Variants in LIPC observed in about 807,000 individuals in gnomAD.
The protein encoded by LIPC is lipase C, hepatic type, also known as hepatic triacylglycerol lipase.
A neutral mutation model predicts 50.7 loss-of-function variants in LIPC; 44 were observed. The ratio of observed to expected loss-of-function variants is 0.87; its 90% CI spans 0.68 to 1.11. The LOEUF (loss-of-function observed/expected upper bound fraction) is 1.11, where lower values mean the gene tolerates loss of function less well. LIPC is among the 50% of genes most tolerant of loss of function. The probability of loss-of-function intolerance (pLI) is 0.00; values close to 1 mark genes in which losing one functional copy is unlikely to be tolerated. For synonymous variants in LIPC, 271 were observed against 256.4 expected, an observed-to-expected ratio of 1.06 and a Z score of -0.54; for missense variants, 697 against 648.2, an observed-to-expected ratio of 1.08 and a Z score of -0.82.
chr15:58,492,685 G>C (rs903315105), intron 1 of LIPC, among the ~76,000 whole-genome samples: 19 of 152,084 alleles, frequency 1.2e-4, no homozygotes, highest in Non-Finnish European at 2.5e-4. Flanking sequence ...CAAATCTAGG[G>C]CTCTGTCCCA....
chr15:58,470,800 C>G (rs1566919272), intron 1 of LIPC, among the ~76,000 whole-genome samples: 1 of 152,038 alleles, frequency 6.6e-6, no homozygotes, highest in Non-Finnish European at 1.5e-5. Flanking sequence ...GGATTTCACT[C>G]TATTAGCAGC....
intron 1 of LIPC, among the ~76,000 whole-genome samples, chr15:58,529,482 A>G (rs969462499): frequency 6.6e-6 from 1 of 152,162 alleles, no homozygotes; most frequent in African/African-American, 2.4e-5. Context: ...GGTCACCCCA[A>G]TTGTTTCGGG....
At chr15:58,454,472 C>T (rs1325284511) in intron 1 of LIPC, 9 of 152,194 alleles carry the variant, frequency 5.9e-5, no homozygotes, top group African/African-American at 2.2e-4. Flanking sequence ...CAGAGCTGAC[C>T]TTGAGCTTGA....
chr15:58,514,578 C>T (rs891952710), intron 1 of LIPC, among the ~76,000 whole-genome samples: 3 of 152,310 alleles, frequency 2.0e-5, no homozygotes, highest in African/African-American at 4.8e-5. Flanking sequence ...AATCCCAACA[C>T]TTTGGGAGGC....
At chr15:58,544,676 C>T (rs543129459) in intron 4 of LIPC, among the ~76,000 whole-genome samples, 14 of 152,144 alleles carry the variant, frequency 9.2e-5, no homozygotes, top group South Asian at 2.1e-4. Flanking sequence ...GATTACCAGG[C>T]GTGAGCCACC....
rs184267309 is a variant in LIPC, at chr15:58,519,968, G to A, written c.89-18365G>A. Among the ~76,000 whole-genome samples the A allele has an allele frequency of 1.4e-4, 22 of 152,106 alleles. No homozygotes were observed. In the East Asian group the frequency reaches 1.5e-3, roughly 11 times the overall value. On this transcript the variant is annotated intron_variant, in intron 1 of 8. Coordinates refer to ENST00000299022, the MANE Select transcript of LIPC (RefSeq NM_000236.3). ...TTATTCTTCTCTTTTGAAACTGGCC[G>A]AGTCAGAAGGAAATAAACAAATGCA...
chr15:58,491,961 G>T (rs1891600874), intron 1 of LIPC, among the ~76,000 whole-genome samples: 1 of 152,182 alleles, frequency 6.6e-6, no homozygotes, highest in Admixed American at 6.5e-5. Context: ...TGGAGCAGGG[G>T]GTCCCAGCTC....
chr15:58,540,491 C>G (rs531145390), intron 2 of LIPC, among the ~76,000 whole-genome samples: 1 of 152,190 alleles, frequency 6.6e-6, no homozygotes, highest in South Asian at 2.1e-4. Context: ...CAGCTAGAAA[C>G]TAGGAGAGCC....
intron 1 of LIPC, among the ~76,000 whole-genome samples, chr15:58,491,319 G>A (rs1595892909): frequency 6.6e-6 from 1 of 152,276 alleles, no homozygotes; most frequent in East Asian, 1.9e-4. Flanking sequence ...ACAGCAGCAG[G>A]CTTTAATCCT....
rs1208849871 is a variant in LIPC at position 58,443,643 on chromosome 15, ACACC to A, written c.88+11524_88+11527del. Reference sequence around the variant, plus strand: ...TCGGTGACTTAGTAGTATCAAGACAACACCTGAGAAAGCTCCTTTCATGCAAATC... The same window carrying A: ...TCGGTGACTTAGTAGTATCAAGACAATGAGAAAGCTCCTTTCATGCAAATC... On this transcript the variant is annotated intron_variant, in intron 1 of 8. Transcript: ENST00000299022. Among the ~76,000 whole-genome samples, 5 of 152,128 alleles carry A rather than the reference ACACC, an allele frequency of 3.3e-5. No individual in the cohort carries two copies. The East Asian group carries it at 7.7e-4, about 24-fold the overall frequency.
intron 1 of LIPC, among the ~76,000 whole-genome samples, chr15:58,469,740 C>T (rs1462167078): frequency 2.6e-5 from 4 of 152,160 alleles, no homozygotes; most frequent in African/African-American, 9.7e-5. Context: ...GTGACCCTAC[C>T]CTCTACTAAA....
chr15:58,561,076 A>G, intron 7 of LIPC, 95 bp downstream of exon 7: 1 of 782,508 alleles, frequency 1.3e-6, no homozygotes, highest in East Asian at 2.4e-5. Flanking sequence ...CAGGCCAGCT[A>G]CAACTACTTT....
chr15:58,440,300 T>A (rs2140640518), intron 1 of LIPC, among the ~76,000 whole-genome samples: 1 of 152,326 alleles, frequency 6.6e-6, no homozygotes, highest in African/African-American at 2.4e-5. Context: ...TGAGGCATTA[T>A]CAAAGCAGGG....
intron 2 of LIPC, among the ~76,000 whole-genome samples, chr15:58,539,001 T>G (rs1160640595): frequency 6.6e-6 from 1 of 152,236 alleles, no homozygotes; most frequent in African/African-American, 2.4e-5. Flanking sequence ...AAGATATATG[T>G]AACCCAAAAA....
chr15:58,529,291 C>A (rs575662729), intron 1 of LIPC, among the ~76,000 whole-genome samples: 1 of 152,334 alleles, frequency 6.6e-6, no homozygotes, highest in East Asian at 1.9e-4. Context: ...TCCTGGGGAG[C>A]CTCCCTGGCC....
chr15:58,488,369 C>T (rs1223641731), intron 1 of LIPC, among the ~76,000 whole-genome samples: 3 of 152,234 alleles, frequency 2.0e-5, no homozygotes, highest in Non-Finnish European at 4.4e-5. Flanking sequence ...CATGGAGGCA[C>T]ATGCCTCAGT....
intron 1 of LIPC, among the ~76,000 whole-genome samples, chr15:58,468,145 T>A (rs1894642963): frequency 1.3e-5 from 2 of 152,166 alleles, no homozygotes; most frequent in Non-Finnish European, 2.9e-5. Flanking sequence ...TTACCCCAGA[T>A]TATAGATAAG....
intron 1 of LIPC, among the ~76,000 whole-genome samples, chr15:58,477,742 T>A (rs1891047416): frequency 6.6e-6 from 1 of 152,038 alleles, no homozygotes; most frequent in East Asian, 1.9e-4. Flanking sequence ...TTTAAGAAAC[T>A]GCTTGACTGA....
intron 1 of LIPC, among the ~76,000 whole-genome samples, chr15:58,437,497 G>T (rs774539808): frequency 2.6e-5 from 4 of 152,058 alleles, no homozygotes; most frequent in Non-Finnish European, 5.9e-5. Flanking sequence ...GATATATAAA[G>T]GGTTTTAAGG....
Sources: gnomAD v4.1 joint callset for allele counts (sites outside exome capture counted in the v4.1 genomes callset) on GRCh38, gnomAD v4.1.1 for gene constraint, MANE v1.5 for transcripts, NCBI Gene and HGNC (gene_info 2026-07-23, HGNC 2026-07-21) for gene names.